The following WWOX variants were observed in gnomAD, a reference collection of about 807,000 sequenced individuals.
The protein encoded by WWOX is WW domain containing oxidoreductase, also known as WW domain-containing oxidoreductase.
In WWOX, 69 loss-of-function variants were observed where a neutral mutation model predicts 46.2. The observed-to-expected ratio is 1.49, with a 90% CI of 1.23 to 1.82. WWOX has a LOEUF of 1.82. WWOX is among the 40% of genes most tolerant of loss of function. The pLI, the probability that WWOX is intolerant of heterozygous loss-of-function variation, is 0.00. For missense variants in WWOX, 919 were observed against 542.6 expected (o/e 1.69, Z -6.89); for synonymous variants, 359 against 202.6 (o/e 1.77, Z -6.56).
chr16:78,128,903 T>C lies in WWOX; in HGVS notation c.409+13749T>C, dbSNP rs528486313. On this transcript the variant is annotated intron_variant, in intron 4 of 8. Coordinates refer to ENST00000566780, the MANE Select transcript of WWOX (RefSeq NM_016373.4). ...ATCAGCTGAGAGATCATCAGTACAT[T>C]CCAAATGGCATTAAAAATGCTGTTA... Among the ~76,000 whole-genome samples the C allele has an allele frequency of 9.2e-5, 14 of 152,296 alleles. No individual in the cohort carries two copies. The East Asian group carries it at 2.7e-3, about 29-fold the overall frequency.
chr16:78,952,406 A>G lies in WWOX; in HGVS notation c.1057-259202A>G, dbSNP rs192411692. Reference sequence around the variant, plus strand: ...TGAGTTTTTTTTTTTTTTTGAGACAAAAGTCTCGCTCTGTCCCCCACGCTG... The same window carrying G: ...TGAGTTTTTTTTTTTTTTTGAGACAGAAGTCTCGCTCTGTCCCCCACGCTG... On this transcript the variant is annotated intron_variant, in intron 8 of 8. Coordinates refer to ENST00000566780, the MANE Select transcript of WWOX (RefSeq NM_016373.4). Among the ~76,000 whole-genome samples the G allele has an allele frequency of 2.0e-5, 3 of 150,332 alleles. 1 individual carries two copies. The highest frequency in any genetic ancestry group is 7.3e-5 in the African/African-American group (3 of 40,932).
intron 4 of WWOX, among the ~76,000 whole-genome samples, chr16:78,151,578 T>C (rs1212500426): frequency 6.6e-6 from 1 of 152,214 alleles, no homozygotes; most frequent in Admixed American, 6.5e-5. Flanking sequence ...ATCAGGATGC[T>C]CAGGAAATAC....
chr16:78,482,088 A>G (rs1314449138), intron 8 of WWOX, among the ~76,000 whole-genome samples: 1 of 152,118 alleles, frequency 6.6e-6, no homozygotes, highest in East Asian at 1.9e-4. Context: ...ATTCTGGGGA[A>G]TAGGTGGATA....
intron 8 of WWOX, among the ~76,000 whole-genome samples, chr16:79,161,184 A>C (rs527705583): frequency 1.6e-4 from 24 of 152,328 alleles, no homozygotes; most frequent in Non-Finnish European, 2.9e-5. Context: ...GACAAGTACC[A>C]ATATATTTGG....
chr16:78,954,976 G>C (rs2046135522), intron 8 of WWOX, among the ~76,000 whole-genome samples: 1 of 152,026 alleles, frequency 6.6e-6, no homozygotes, highest in Non-Finnish European at 1.5e-5. Context: ...TTTTTGTAGG[G>C]ACAGGGCCTC....
chr16:78,533,154 T>C (rs776477666), intron 8 of WWOX, among the ~76,000 whole-genome samples: 1 of 151,778 alleles, frequency 6.6e-6, no homozygotes, highest in Non-Finnish European at 1.5e-5. Flanking sequence ...AGGTTGGAGC[T>C]CAAGGAAGCT....
chr16:79,009,559 C>A (rs2047261804), intron 8 of WWOX, among the ~76,000 whole-genome samples: 2 of 152,012 alleles, frequency 1.3e-5, no homozygotes, highest in Non-Finnish European at 2.9e-5. Flanking sequence ...CCTCTGCCTC[C>A]TGGGTTCAAG....
At chr16:78,877,102 G>C (rs919508051) in intron 8 of WWOX, among the ~76,000 whole-genome samples, 1 of 152,132 alleles carries the variant, frequency 6.6e-6, no homozygotes, top group Non-Finnish European at 1.5e-5. Context: ...GGTTCAGTAA[G>C]GAAGAAGGTT....
At chr16:78,873,318 C>G (rs977455786) in intron 8 of WWOX, 4 of 152,166 alleles carry the variant, frequency 2.6e-5, no homozygotes, top group African/African-American at 9.7e-5. Flanking sequence ...TAAGAAGGGA[C>G]TAGCTCCTAT....
intron 8 of WWOX, among the ~76,000 whole-genome samples, chr16:79,104,525 A>C (rs143629239): frequency 4.1e-4 from 62 of 152,350 alleles, no homozygotes; most frequent in African/African-American, 1.5e-3. Flanking sequence ...ATTTCCGAGA[A>C]ATATTAGTTG....
intron 8 of WWOX, among the ~76,000 whole-genome samples, chr16:78,467,758 T>A (rs16947610): frequency 0.026 from 3,949 of 152,328 alleles, 192 homozygotes; most frequent in African/African-American, 0.092. Context: ...AAAGCTTGAA[T>A]TAGACATTAT....
intron 5 of WWOX, among the ~76,000 whole-genome samples, chr16:78,281,888 C>T (rs1597441400): frequency 6.6e-6 from 1 of 152,136 alleles, no homozygotes; most frequent in East Asian, 1.9e-4. Flanking sequence ...TTTATTTAAT[C>T]CCTTAGTTTT....
At position 78,930,042 on chromosome 16, in the gene WWOX, C is replaced by T. The variant is rs2045584595; in HGVS notation, c.1057-281566C>T. 3.9e-5 allele frequency among the ~76,000 whole-genome samples: 6 copies of T among 152,238 alleles called. No homozygotes were observed. The South Asian group carries it at 1.2e-3, about 32-fold the overall frequency. The stretch of plus-strand genomic sequence containing the variant: ...TGGCAGGGAAGTCCCACATGGACTT[C>T]TTGGGCGTGTCCTTAGGGGAAGCAT... On this transcript the variant is annotated intron_variant, in intron 8 of 8. Transcript: ENST00000566780.
chr16:78,506,010 G>A (rs1214284719), intron 8 of WWOX, among the ~76,000 whole-genome samples: 4 of 152,188 alleles, frequency 2.6e-5, no homozygotes, highest in Admixed American at 6.5e-5. Context: ...ACCATTCCCC[G>A]TCAGCCCCTT....
At chr16:78,665,405 T>C (rs572443234) in intron 8 of WWOX, among the ~76,000 whole-genome samples, 99 of 152,300 alleles carry the variant, frequency 6.5e-4, no homozygotes, top group Non-Finnish European at 1.2e-3. Context: ...AGTTACTGAA[T>C]ATAACTATTG....
chr16:78,305,480 CAGGGAT>C (rs2080117526), intron 5 of WWOX, among the ~76,000 whole-genome samples: 1 of 152,098 alleles, frequency 6.6e-6, no homozygotes, highest in Non-Finnish European at 1.5e-5. Flanking sequence ...CAAATGATGG[CAGGGAT>C]ATTTGGAATC....
At position 78,265,189 on chromosome 16, in the gene WWOX, CG is replaced by C. The variant is rs559902190; in HGVS notation, c.516+100904del. ...CTAATTTTTGTATTTTTGGTAGAAA[CG>C]GGGTTTCATCATGTAGGCCAGGCTG... On this transcript the variant is annotated intron_variant, in intron 5 of 8. Transcript: ENST00000566780. Among the ~76,000 whole-genome samples the C allele has an allele frequency of 4.4e-3, 667 of 151,656 alleles. 4 individuals carry two copies. Among genetic ancestry groups the C allele is most frequent in the Admixed American group, 7.4e-3 (113 of 15,240 alleles).
chr16:78,621,579 G>T lies in WWOX; in HGVS notation c.1056+188827G>T, dbSNP rs143460396. ...ATGATTCACTTGCACCTTTAACCTTGTGTTGTTCTAATCTTTTTTTTTTTT... is the reference window on the plus strand; with the variant it reads ...ATGATTCACTTGCACCTTTAACCTTTTGTTGTTCTAATCTTTTTTTTTTTT... On this transcript the variant is annotated intron_variant, in intron 8 of 8. Transcript: ENST00000566780. Among the ~76,000 whole-genome samples, 10 of 79,120 alleles carry T rather than the reference G, an allele frequency of 1.3e-4. No homozygotes were observed. In the East Asian group the frequency reaches 3.0e-3, roughly 23 times the overall value. 51.9% of individuals were successfully genotyped at this position (79,120 alleles called of 152,430 possible).
At chr16:78,492,030 G>T (rs1449655133) in intron 8 of WWOX, among the ~76,000 whole-genome samples, 1 of 53,408 alleles carries the variant, frequency 1.9e-5, no homozygotes, top group East Asian at 6.5e-4. Flanking sequence ...TGGACAAAGG[G>T]AGTGGGGGTG....
Sources: gnomAD v4.1 joint callset for allele counts (sites outside exome capture counted in the v4.1 genomes callset) on GRCh38, gnomAD v4.1.1 for gene constraint, MANE v1.5 for transcripts, NCBI Gene and HGNC (gene_info 2026-07-23, HGNC 2026-07-21) for gene names.